The following TMEM229B variants were observed in gnomAD, a reference collection of about 807,000 sequenced individuals.
TMEM229B encodes transmembrane protein 229B.
TMEM229B carries 6 observed loss-of-function variants against 13.7 expected under a neutral mutation model. The ratio of observed to expected loss-of-function variants is 0.44; its 90% CI spans 0.24 to 0.86. TMEM229B has a LOEUF of 0.86. TMEM229B is among the 40% of genes least tolerant of loss of function. The probability of loss-of-function intolerance (pLI) is 0.23; values close to 1 mark genes in which losing one functional copy is unlikely to be tolerated. For synonymous variants in TMEM229B, 107 were observed against 102.1 expected, an observed-to-expected ratio of 1.05 and a Z score of -0.29; for missense variants, 170 against 236.0, an observed-to-expected ratio of 0.72 and a Z score of 1.83.
upstream of TMEM229B, among the ~76,000 whole-genome samples, chr14:67,489,613 C>T (rs1344884145): frequency 1.3e-5 from 2 of 152,212 alleles, no homozygotes; most frequent in African/African-American, 4.8e-5. Flanking sequence ...GATGCCGTCC[C>T]ACAACCTCCA....
chr14:67,493,137 C>A (rs1489898021), upstream of TMEM229B, among the ~76,000 whole-genome samples: 2 of 152,202 alleles, frequency 1.3e-5, no homozygotes, highest in Non-Finnish European at 2.9e-5. Context: ...GAAAGTTAGA[C>A]AAGTTTGAGA....
At chr14:67,504,195 G>A (rs1304015485) in intron 1 of TMEM229B, among the ~76,000 whole-genome samples, 1 of 151,754 alleles carries the variant, frequency 6.6e-6, no homozygotes, top group Non-Finnish European at 1.5e-5. Context: ...TGTATTTTTA[G>A]TAGAGATGAG....
chr14:67,477,632 A>G (rs1209471705), intron 2 of TMEM229B, among the ~76,000 whole-genome samples: 1 of 151,980 alleles, frequency 6.6e-6, no homozygotes, highest in African/African-American at 2.4e-5. Context: ...CCTTTCCTAA[A>G]TCAAACCCAT....
rs1409795563 is a variant in TMEM229B, at chr14:67,473,660, C to T, written c.264G>A (p.Glu88=). The T allele has an allele frequency of 6.3e-7, 1 of 1,580,304 alleles. No individual in the cohort carries two copies. Among genetic ancestry groups the T allele is most frequent in the Admixed American group, 1.9e-5 (1 of 53,338 alleles). ...GGCGCAGGATGAAGCCGGTGGTGAA[C>T]TCCCACAGGTAGGTCCAGAGCGTGT... ...LIYTLWTYLW[E]FTTGFILRQF... is the part of the protein sequence containing the mutation. Residue 88 remains glutamate, a synonymous_variant, in exon 3 of 3, where the codon GAG becomes GAA. Transcript: ENST00000554480. The surrounding 1 kb of genome is among the most constrained non-coding windows in gnomAD (Gnocchi z 6.5).
intron 1 of TMEM229B, chr14:67,533,331 C>T (rs2033534956): frequency 6.6e-6 from 1 of 151,420 alleles, no homozygotes. Flanking sequence ...GCAAGGTCGG[C>T]TGCGGCGGCG....
chr14:67,509,057 C>T (rs528320312), intron 1 of TMEM229B, among the ~76,000 whole-genome samples: 8 of 152,082 alleles, frequency 5.3e-5, no homozygotes, highest in African/African-American at 1.9e-4. Context: ...GGCAGTAGGA[C>T]AACAGAAATA....
chr14:67,521,276 A>C (rs1294512301), intron 1 of TMEM229B, among the ~76,000 whole-genome samples: 1 of 152,268 alleles, frequency 6.6e-6, no homozygotes, highest in Non-Finnish European at 1.5e-5. Context: ...GCTGTGAGCT[A>C]TGCTCAGGAA....
intron 1 of TMEM229B, among the ~76,000 whole-genome samples, chr14:67,531,602 A>G (rs2033452741): frequency 1.3e-5 from 2 of 151,872 alleles, no homozygotes; most frequent in East Asian, 3.9e-4. Context: ...TCTTTTCACT[A>G]TATAACAAAG....
At chr14:67,519,750 T>C (rs942424290), upstream of TMEM229B, among the ~76,000 whole-genome samples, 1 of 151,608 alleles carries the variant, frequency 6.6e-6, no homozygotes, top group Non-Finnish European at 1.5e-5. Flanking sequence ...TGAGACAGGT[T>C]CTCGTTCTGT....
chr14:67,501,346 A>G (rs763297878), intron 1 of TMEM229B, among the ~76,000 whole-genome samples: 1 of 152,086 alleles, frequency 6.6e-6, no homozygotes, highest in Non-Finnish European at 1.5e-5. Flanking sequence ...AGTAATCAAG[A>G]TAAACGATAC....
rs138885455 is a variant in TMEM229B at position 67,471,297 on chromosome 14, CT to C, written c.*2122del. 0.036 allele frequency: 5,422 copies of C among 152,340 alleles called. 101 individuals carry two copies. Among genetic ancestry groups the C allele is most frequent in the Middle Eastern group, 0.058 (17 of 294 alleles). The allele number at this position is 152,340 out of a possible 1,614,324, so 9.4% of individuals were successfully genotyped here. On this transcript the variant is annotated 3_prime_UTR_variant, in exon 3 of 3. Transcript: ENST00000554480. ...TGAGAATTATGGAGGCATCAACAAGCTGGCCACTGGACTGAGTTGTGGAATG... is the reference window on the plus strand; with the variant it reads ...TGAGAATTATGGAGGCATCAACAAGCGGCCACTGGACTGAGTTGTGGAATG...
intron 1 of TMEM229B, among the ~76,000 whole-genome samples, chr14:67,511,132 C>T (rs1054424306): frequency 2.6e-5 from 4 of 152,080 alleles, no homozygotes; most frequent in Admixed American, 6.5e-5. Flanking sequence ...ACAGGGGTGC[C>T]TCTTAATAAC....
At chr14:67,487,722 C>T (rs2031959975) in intron 1 of TMEM229B, among the ~76,000 whole-genome samples, 1 of 152,026 alleles carries the variant, frequency 6.6e-6, no homozygotes. Flanking sequence ...TGGTTGAGGC[C>T]CTTCCTATGA....
At chr14:67,485,277 C>G (rs2031807978) in intron 2 of TMEM229B, among the ~76,000 whole-genome samples, 1 of 152,198 alleles carries the variant, frequency 6.6e-6, no homozygotes, top group Admixed American at 6.5e-5. Context: ...CCCCAACTCC[C>G]CTCCTACAGT....
intron 2 of TMEM229B, among the ~76,000 whole-genome samples, chr14:67,481,153 T>G (rs2031561901): frequency 6.6e-6 from 1 of 151,956 alleles, no homozygotes; most frequent in Non-Finnish European, 1.5e-5. Context: ...GTAGGCTGGT[T>G]TGATGTGGTG....
intron 1 of TMEM229B, among the ~76,000 whole-genome samples, chr14:67,513,607 C>T (rs1004902632): frequency 2.0e-5 from 3 of 152,278 alleles, no homozygotes; most frequent in African/African-American, 7.2e-5. Context: ...CTCAGCACAC[C>T]CCTGAGCAAA....
At chr14:67,514,068 C>G (rs1435268449) in intron 1 of TMEM229B, among the ~76,000 whole-genome samples, 2 of 152,206 alleles carry the variant, frequency 1.3e-5, no homozygotes, top group East Asian at 3.9e-4. Flanking sequence ...TCACTTATTA[C>G]TAGGGTGCTG....
At chr14:67,509,153 A>G (rs551040349) in intron 1 of TMEM229B, among the ~76,000 whole-genome samples, 1 of 152,296 alleles carries the variant, frequency 6.6e-6, no homozygotes, top group South Asian at 2.1e-4. Context: ...TTCCTATGCC[A>G]AGCAGAAAGC....
chr14:67,495,542 G>C (rs537221930), intron 1 of TMEM229B, among the ~76,000 whole-genome samples: 102 of 151,706 alleles, frequency 6.7e-4, no homozygotes, highest in African/African-American at 2.3e-3. Flanking sequence ...GAGTGCAATG[G>C]CACAATCTCA....
Sources: allele counts gnomAD v4.1 joint callset (sites outside exome capture counted in the v4.1 genomes callset), GRCh38; gene constraint gnomAD v4.1.1; non-coding constraint Gnocchi (gnomAD v3.1); transcripts MANE v1.5; gene names NCBI Gene and HGNC (gene_info 2026-07-23, HGNC 2026-07-21).